The following LMO7 variants were observed in gnomAD, a reference collection of about 807,000 sequenced individuals.
LMO7 encodes LIM domain only protein 7.
Under a neutral mutation model 206.5 loss-of-function variants are expected in LMO7, and 120 were observed. That is an observed-to-expected ratio of 0.58 (90% confidence interval 0.50 to 0.68). LMO7 has a LOEUF of 0.68. Among genes scored for constraint, LMO7 ranks in the 30% least tolerant of loss-of-function variants. The probability of loss-of-function intolerance (pLI) is 0.00; values close to 1 mark genes in which losing one functional copy is unlikely to be tolerated. For synonymous variants in LMO7, 706 were observed against 681.5 expected, an observed-to-expected ratio of 1.04 and a Z score of -0.56; for missense variants, 1,959 against 1,957.9, an observed-to-expected ratio of 1.00 and a Z score of -0.01.
At chr13:75,809,063 G>A (rs2141099991) in intron 10 of LMO7, 91 bp from the exon 11 acceptor site, 1 of 931,776 alleles carries the variant, frequency 1.1e-6, no homozygotes, top group African/African-American at 1.6e-5. Context: ...TCCGTCTCCA[G>A]TTAGATTCTT....
chr13:75,751,949 A>T (rs1392669865), intron 3 of LMO7, among the ~76,000 whole-genome samples: 1 of 152,082 alleles, frequency 6.6e-6, no homozygotes, highest in Non-Finnish European at 1.5e-5. Flanking sequence ...TTCAAGTAAA[A>T]GTGAAAGTGA....
intron 2 of LMO7, among the ~76,000 whole-genome samples, chr13:75,724,769 A>G (rs2044320535): frequency 1.3e-5 from 2 of 152,106 alleles, no homozygotes; most frequent in African/African-American, 4.8e-5. Flanking sequence ...GGTGTTCAGT[A>G]TTTGCCAAGA....
chr13:75,755,021 G>A (rs879304359), intron 3 of LMO7, among the ~76,000 whole-genome samples: 1 of 152,202 alleles, frequency 6.6e-6, no homozygotes, highest in Non-Finnish European at 1.5e-5. Context: ...ATAAGAATGA[G>A]CACTGCTTCT....
At chr13:75,811,627 A>AATTTCTGGCTTGCTC (rs1286676431) in intron 11 of LMO7, among the ~76,000 whole-genome samples, 1 of 152,120 alleles carries the variant, frequency 6.6e-6, no homozygotes, top group Non-Finnish European at 1.5e-5. Context: ...TGAGACTGTT[A>AATTTCTGGCTTGCTC]ATTTCTGGCT....
chr13:75,837,087 T>C (rs2139068946), intron 19 of LMO7, among the ~76,000 whole-genome samples: 1 of 152,340 alleles, frequency 6.6e-6, no homozygotes, highest in South Asian at 2.1e-4. Context: ...CGAGACCTCT[T>C]CTGCCATGAA....
At chr13:75,781,501 A>C (rs374652223) in intron 4 of LMO7, among the ~76,000 whole-genome samples, 127 of 151,726 alleles carry the variant, frequency 8.4e-4, no homozygotes, top group African/African-American at 2.5e-3. Context: ...TGTATATGTG[A>C]CACATTTTCT....
At chr13:75,848,465 A>ATCTG (rs1566612417) in intron 26 of LMO7, among the ~76,000 whole-genome samples, 1 of 151,926 alleles carries the variant, frequency 6.6e-6, no homozygotes, top group Non-Finnish European at 1.5e-5. Flanking sequence ...CTATCTATCT[A>ATCTG]TCTAACTATC....
At chr13:75,749,229 T>C (rs113913607) in intron 3 of LMO7, among the ~76,000 whole-genome samples, 3 of 152,324 alleles carry the variant, frequency 2.0e-5, no homozygotes, top group Admixed American at 6.5e-5. Context: ...TAGCCGGCTT[T>C]AAAGTTTTAC....
Position 75,731,466 on chromosome 13 carries a change from G to A in LMO7, c.210+4368G>A, listed in dbSNP as rs181906746. On this transcript the variant is annotated intron_variant, in intron 3 of 30. Coordinates refer to ENST00000377534, the MANE Select transcript of LMO7 (RefSeq NM_001306080.2). ...GAGATTTCAACCCCTGCCTTTTTTT[G>A]TTTTCCATTTGCTTGGTAGATCTTC... 2.1e-4 allele frequency among the ~76,000 whole-genome samples: 32 copies of A among 151,774 alleles called. No homozygotes were observed. In the East Asian group the frequency reaches 6.2e-3, roughly 29 times the overall value.
chr13:75,699,270 C>T (rs1348257705), intron 1 of LMO7, among the ~76,000 whole-genome samples: 1 of 152,138 alleles, frequency 6.6e-6, no homozygotes, highest in Non-Finnish European at 1.5e-5. Flanking sequence ...TTCCTGTCTT[C>T]CACTCACAGA....
chr13:75,830,438 A>G (rs1566566271), intron 15 of LMO7, among the ~76,000 whole-genome samples: 1 of 152,154 alleles, frequency 6.6e-6, no homozygotes, highest in Admixed American at 6.5e-5. Flanking sequence ...AAAAATCAGT[A>G]TTTTTATGAA....
At chr13:75,806,874 A>T (rs1396504063) in intron 9 of LMO7, 1 of 152,778 alleles carries the variant, frequency 6.5e-6, no homozygotes, top group Non-Finnish European at 1.5e-5. Context: ...TAATCCCAGC[A>T]CTTTGGGAGG....
At chr13:75,833,701 A>G (rs1190756900) in intron 16 of LMO7, among the ~76,000 whole-genome samples, 1 of 151,994 alleles carries the variant, frequency 6.6e-6, no homozygotes. Flanking sequence ...GAGTTCCTTT[A>G]TTTTTACTTT....
chr13:75,817,367 C>T lies in LMO7; in HGVS notation c.2064+89C>T, dbSNP rs1309862372. ...AAGTCAATATACTCAAGACCATTTT[C>T]CTTGCTATTACAGAATTCAGTTCTG... is the stretch of plus-strand genomic sequence containing the variant. On this transcript the variant is annotated intron_variant, in intron 12 of 30. Coordinates refer to ENST00000377534, the MANE Select transcript of LMO7 (RefSeq NM_001306080.2). 1.3e-5 allele frequency: 10 copies of T among 780,746 alleles called. No individual in the cohort carries two copies. In the East Asian group the frequency reaches 2.0e-4, roughly 16 times the overall value. 48.4% of individuals were successfully genotyped at this position (780,746 alleles called of 1,614,324 possible). A position where few individuals can be genotyped will look rare whatever the true frequency, so the allele number is the denominator to read the frequency against.
At chr13:75,855,215 G>A (rs1417725975) in intron 28 of LMO7, 45 bp from the exon 29 acceptor site, 1 of 1,163,218 alleles carries the variant, frequency 8.6e-7, no homozygotes, top group South Asian at 1.3e-5. Flanking sequence ...AGAATCTTGA[G>A]CTGCCCAGGT....
intron 19 of LMO7, 90 bp from the exon 20 acceptor site, chr13:75,838,050 C>T (rs761966822): frequency 4.1e-6 from 3 of 728,390 alleles, no homozygotes; most frequent in Non-Finnish European, 4.7e-6. Flanking sequence ...AATATTGCTA[C>T]AGATTGGAAA....
chr13:75,635,143 C>T (rs2035616292), upstream of LMO7, among the ~76,000 whole-genome samples: 1 of 152,206 alleles, frequency 6.6e-6, no homozygotes, highest in South Asian at 2.1e-4. Context: ...TAAATACAGA[C>T]GCTAGGTTTT....
chr13:75,855,515 G>T, intron 29 of LMO7, 147 bp downstream of exon 29: 1 of 499,442 alleles, frequency 2.0e-6, no homozygotes, highest in South Asian at 3.7e-5. Flanking sequence ...CAAATTGCTT[G>T]CTCCTCCCTA....
At chr13:75,709,256 A>G in intron 1 of LMO7, among the ~76,000 whole-genome samples, 1 of 152,252 alleles carries the variant, frequency 6.6e-6, no homozygotes. Context: ...CGCAATAAAC[A>G]TACGTGTGCA....
Sources: gnomAD v4.1 joint callset for allele counts (sites outside exome capture counted in the v4.1 genomes callset) on GRCh38, gnomAD v4.1.1 for gene constraint, MANE v1.5 for transcripts, NCBI Gene and HGNC (gene_info 2026-07-23, HGNC 2026-07-21) for gene names.